ACSM1: variants seen among roughly 807,000 people sequenced by gnomAD.
ACSM1 encodes the protein acyl-CoA synthetase medium chain family member 1.
ACSM1 carries 79 observed loss-of-function variants against 75.8 expected under a neutral mutation model. The ratio of observed to expected loss-of-function variants is 1.04; its 90% CI spans 0.87 to 1.26. ACSM1 has a LOEUF of 1.26. ACSM1 is among the 50% of genes most tolerant of loss of function. ACSM1 has a pLI of 0.00. For synonymous variants in ACSM1, 279 were observed against 265.8 expected, an observed-to-expected ratio of 1.05 and a Z score of -0.48; for missense variants, 676 against 720.1, an observed-to-expected ratio of 0.94 and a Z score of 0.70.
In ACSM1 at chr16:20,691,089, C is replaced by T; in HGVS notation, c.100G>A (p.Glu34Lys). 6.2e-7 allele frequency: 1 copy of T among 1,613,654 alleles called. No individual in the cohort carries two copies. The highest frequency in any genetic ancestry group is 8.5e-7 in the Non-Finnish European group (1 of 1,179,814). ...PSQLRCRSLS[E>K]FGAPRWNDYE... ...TCATTCCATCTTGGGGCTCCAAATT[C>T]TGATAAAGACCGGCAGCGCAGCTGT... is the stretch of plus-strand genomic sequence containing the variant. Residue 34 changes from glutamate to lysine, a missense_variant, in exon 2 of 14, where the codon GAA becomes AAA. Physicochemically the swap from Glu to Lys is moderately conservative, Grantham distance 56 (BLOSUM62 1). Transcript: ENST00000520010.
chr16:20,623,584 T>G lies in ACSM1; in HGVS notation c.1648-12A>C. On this transcript the variant is annotated splice_polypyrimidine_tract_variant and intron_variant, in intron 13 of 13. Coordinates refer to ENST00000520010, the MANE Select transcript of ACSM1 (RefSeq NM_001318890.3). ...GAGACAAACTCCACCTGGTTGAGGA[T>G]AAAGCAAATCCACAGTGATTGAGTC... 1 of 1,612,820 alleles carries G rather than the reference T, an allele frequency of 6.2e-7. No individual in the cohort carries two copies. Among genetic ancestry groups the G allele is most frequent in the Non-Finnish European group, 8.5e-7 (1 of 1,178,858 alleles).
chr16:20,664,662 C>T (rs769792968), intron 6 of ACSM1, among the ~76,000 whole-genome samples: 1 of 152,194 alleles, frequency 6.6e-6, no homozygotes, highest in Admixed American at 6.6e-5. Context: ...ACCTAATAGA[C>T]ATCCACAGAA....
intron 6 of ACSM1, among the ~76,000 whole-genome samples, chr16:20,667,822 A>G (rs2019654950): frequency 6.6e-6 from 1 of 152,232 alleles, no homozygotes; most frequent in African/African-American, 2.4e-5. Flanking sequence ...ACACAGCCAT[A>G]AAGAAGAATG....
chr16:20,651,210 A>C (rs1368935386), intron 7 of ACSM1, among the ~76,000 whole-genome samples: 3 of 152,224 alleles, frequency 2.0e-5, no homozygotes, highest in African/African-American at 7.2e-5. Context: ...ACAACTGCCT[A>C]GGGTAAGATT....
intron 10 of ACSM1, 140 bp from the exon 11 acceptor site, chr16:20,627,456 T>C (rs2017013251): frequency 3.2e-6 from 3 of 938,172 alleles, no homozygotes; most frequent in Non-Finnish European, 4.6e-6. Flanking sequence ...TCTGAGTCTA[T>C]TTTCATTACA....
chr16:20,694,279 T>C (rs765837364), intron 1 of ACSM1, among the ~76,000 whole-genome samples: 6 of 152,220 alleles, frequency 3.9e-5, no homozygotes, highest in Non-Finnish European at 8.8e-5. Flanking sequence ...AGGTTATAAA[T>C]GACCCTGTCT....
chr16:20,693,202 T>C (rs1392247940), intron 1 of ACSM1, among the ~76,000 whole-genome samples: 2 of 151,770 alleles, frequency 1.3e-5, no homozygotes, highest in African/African-American at 4.8e-5. Context: ...ATCTTAGTCC[T>C]CACTGCTAAT....
At chr16:20,650,105 C>T (rs2018569263) in intron 7 of ACSM1, among the ~76,000 whole-genome samples, 1 of 152,112 alleles carries the variant, frequency 6.6e-6, no homozygotes, top group African/African-American at 2.4e-5. Context: ...CCCAGACTTC[C>T]CTTTGGTTGA....
At chr16:20,663,579 G>A (rs975182775) in intron 6 of ACSM1, among the ~76,000 whole-genome samples, 2 of 152,152 alleles carry the variant, frequency 1.3e-5, no homozygotes, top group Non-Finnish European at 2.9e-5. Flanking sequence ...GACCTGGACT[G>A]GTTATCTGGG....
intron 10 of ACSM1, among the ~76,000 whole-genome samples, chr16:20,634,985 T>C (rs1188288155): frequency 6.6e-6 from 1 of 151,920 alleles, no homozygotes; most frequent in Non-Finnish European, 1.5e-5. Flanking sequence ...TTTACATAAA[T>C]AAGGAGGGAA....
rs1181283481 is a variant in ACSM1, at chr16:20,685,848, A to C, written c.193-445T>G. On this transcript the variant is annotated intron_variant, in intron 2 of 13. Coordinates refer to ENST00000520010, the MANE Select transcript of ACSM1 (RefSeq NM_001318890.3). ...AAAAAAAAACAAACAAAAAAAAAACAAAAAACTTATAGCATCAGGAGAGGT... is the reference window on the plus strand; with the variant it reads ...AAAAAAAAACAAACAAAAAAAAAACCAAAAACTTATAGCATCAGGAGAGGT... Among the ~76,000 whole-genome samples, 3 of 123,788 alleles carry C rather than the reference A, an allele frequency of 2.4e-5. 1 individual carries two copies. Among genetic ancestry groups the C allele is most frequent in the African/African-American group, 8.0e-5 (3 of 37,376 alleles). 81.2% of individuals were successfully genotyped at this position (123,788 alleles called of 152,430 possible).
rs148646745 is a variant in ACSM1 at position 20,682,268 on chromosome 16, C to T, written c.599G>A (p.Arg200Gln). The change falls in exon 4 of 14, where the codon CGA (arginine) becomes CAA (glutamine). Residue 200 changes from arginine to glutamine, a missense_variant. Physicochemically the swap from Arg to Gln is conservative, Grantham distance 43 (BLOSUM62 1). Coordinates refer to ENST00000520010, the MANE Select transcript of ACSM1 (RefSeq NM_001318890.3). ...DHSREGWLDF[R>Q]SLVKSASPEH... is the part of the protein sequence containing the mutation. ...ACCAGAGACTCACTTAACCAGCGATCGGAAGTCCAGCCACCCTTCACGGCT... is the reference window on the plus strand; with the variant it reads ...ACCAGAGACTCACTTAACCAGCGATTGGAAGTCCAGCCACCCTTCACGGCT... 3.4e-4 allele frequency: 552 copies of T among 1,613,018 alleles called. No homozygotes were observed. Among genetic ancestry groups the T allele is most frequent in the African/African-American group, 1.3e-3 (101 of 75,008 alleles).
chr16:20,682,329 G>A lies in ACSM1; in HGVS notation c.538C>T (p.Pro180Ser), dbSNP rs2079463066. 1 of 1,613,996 alleles carries A rather than the reference G, an allele frequency of 6.2e-7. No individual in the cohort carries two copies. Among genetic ancestry groups the A allele is most frequent in the Non-Finnish European group, 8.5e-7 (1 of 1,179,976 alleles). ...SEVDSIASQCPSLKTKLLVSD... is the reference protein window; with the variant it reads ...SEVDSIASQCSSLKTKLLVSD... ...ACCAGGAGCTTGGTTTTCAGAGAGG[G>A]GCACTGAGAAGCTATGGAGTCCACC... Residue 180 changes from proline to serine, a missense_variant, in exon 4 of 14, where the codon CCC (proline) becomes TCC (serine). Physicochemically the swap from Pro to Ser is moderately conservative, Grantham distance 74. Transcript: ENST00000520010.
intron 6 of ACSM1, among the ~76,000 whole-genome samples, chr16:20,663,340 G>A (rs185982620): frequency 1.6e-3 from 240 of 152,170 alleles, no homozygotes; most frequent in African/African-American, 5.4e-3. Context: ...CCCCACATCC[G>A]CATGTCCTCA....
intron 7 of ACSM1, among the ~76,000 whole-genome samples, chr16:20,653,908 A>G (rs555332078): frequency 1.4e-5 from 2 of 146,634 alleles, no homozygotes; most frequent in East Asian, 3.9e-4. Flanking sequence ...AAACTACTTT[A>G]AAGTTCATAT....
intron 6 of ACSM1, among the ~76,000 whole-genome samples, chr16:20,669,346 T>A (rs1447862938): frequency 6.6e-6 from 1 of 152,052 alleles, no homozygotes; most frequent in Non-Finnish European, 1.5e-5. Flanking sequence ...CAGAGTGGTA[T>A]GTAACCTGCT....
intron 10 of ACSM1, among the ~76,000 whole-genome samples, chr16:20,630,134 T>G (rs1784414338): frequency 6.6e-6 from 1 of 152,056 alleles, no homozygotes; most frequent in South Asian, 2.1e-4. Context: ...TTTTTTTTTT[T>G]TTGAGTCAGA....
intron 13 of ACSM1, among the ~76,000 whole-genome samples, chr16:20,623,784 T>C (rs2016749607): frequency 6.6e-6 from 1 of 152,012 alleles, no homozygotes; most frequent in Non-Finnish European, 1.5e-5. Context: ...GAGATGTGAG[T>C]GGAAGTGAAG....
In ACSM1 at chr16:20,640,612, T is replaced by C. The variant is rs764475898; in HGVS notation, c.993-28A>G. 5.6e-6 allele frequency: 9 copies of C among 1,613,972 alleles called. No homozygotes were observed. The Admixed American group carries it at 1.3e-4, about 24-fold the overall frequency. On this transcript the variant is annotated intron_variant, in intron 7 of 13. Coordinates refer to ENST00000520010, the MANE Select transcript of ACSM1 (RefSeq NM_001318890.3). ...TAGAGGAAGACAAGGTGCCAGGCAT[T>C]GGTGAGCCACCCTGGCTCTGTGCAT...
Sources: gnomAD v4.1 joint callset for allele counts (sites outside exome capture counted in the v4.1 genomes callset) on GRCh38, gnomAD v4.1.1 for gene constraint, MANE v1.5 for transcripts, NCBI Gene and HGNC (gene_info 2026-07-23, HGNC 2026-07-21) for gene names.